The following DYNC2I1 variants were observed in gnomAD, a reference collection of about 807,000 sequenced individuals.
The protein encoded by DYNC2I1 is cytoplasmic dynein 2 intermediate chain 1.
DYNC2I1 carries 89 observed loss-of-function variants against 133.4 expected under a neutral mutation model. The ratio of observed to expected loss-of-function variants is 0.67; its 90% CI spans 0.56 to 0.80. The LOEUF is 0.80. DYNC2I1 is among the 30% of genes least tolerant of loss of function. The pLI is 0.00. For missense variants in DYNC2I1, 1,291 were observed against 1,314.5 expected, an observed-to-expected ratio of 0.98 and a Z score of 0.28; for synonymous variants, 504 against 484.3, an observed-to-expected ratio of 1.04 and a Z score of -0.54.
At chr7:158,935,892 C>A (rs1850705302) in intron 23 of DYNC2I1, among the ~76,000 whole-genome samples, 1 of 151,984 alleles carries the variant, frequency 6.6e-6, no homozygotes, top group African/African-American at 2.4e-5. Flanking sequence ...ATGGAGAAGC[C>A]CCATCTCTAC....
At chr7:158,867,977 T>C (rs1386316347) in intron 1 of DYNC2I1, among the ~76,000 whole-genome samples, 1 of 151,844 alleles carries the variant, frequency 6.6e-6, no homozygotes, top group Non-Finnish European at 1.5e-5. Flanking sequence ...ATACAAATAT[T>C]AGCCAGGTGT....
chr7:158,867,696 G>A (rs1400873279), intron 1 of DYNC2I1, among the ~76,000 whole-genome samples: 1 of 152,158 alleles, frequency 6.6e-6, no homozygotes, highest in Non-Finnish European at 1.5e-5. Context: ...TGAAGGTTGC[G>A]TTGGGCTGAG....
chr7:158,934,406 T>G lies in DYNC2I1; in HGVS notation c.2647-12T>G, dbSNP rs183324063. The G allele has an allele frequency of 1.5e-5, 24 of 1,605,044 alleles. No homozygotes were observed. The highest frequency in any genetic ancestry group is 1.0e-4 in the South Asian group (9 of 88,630). On this transcript the variant is annotated splice_polypyrimidine_tract_variant and intron_variant, in intron 22 of 24. Transcript: ENST00000407559. ...GCACTCGTTCAGTCACTCTTGGGCTTCTTCTTCACAGGGTCTCATAAGCCA... is the reference window on the plus strand; with the variant it reads ...GCACTCGTTCAGTCACTCTTGGGCTGCTTCTTCACAGGGTCTCATAAGCCA...
Position 158,882,875 on chromosome 7 carries a change from C to CAA in DYNC2I1, c.880-1674_880-1673dup, listed in dbSNP as rs71200076. Among the ~76,000 whole-genome samples the CAA allele has an allele frequency of 3.5e-3, 385 of 108,544 alleles. 2 individuals are homozygous for CAA. The highest frequency in any genetic ancestry group is 0.014 in the Middle Eastern group (3 of 208). The allele number at this position is 108,544 out of a possible 152,430, so 71.2% of individuals were successfully genotyped here. On this transcript the variant is annotated intron_variant, in intron 5 of 24. Transcript: ENST00000407559. Reference sequence around the variant, plus strand: ...TGGAGGACAGAGTGAGCCTTTGTCTCAAAAAAAAAAAAAAAAGGAAAAGAA... The same window carrying CAA: ...TGGAGGACAGAGTGAGCCTTTGTCTCAAAAAAAAAAAAAAAAAAGGAAAAGAA...
At chr7:158,878,493 G>C (rs576890241) in intron 4 of DYNC2I1, among the ~76,000 whole-genome samples, 8 of 140,848 alleles carry the variant, frequency 5.7e-5, no homozygotes, top group African/African-American at 2.2e-4. Flanking sequence ...ATGTGGAGGG[G>C]CCAGGAGGGC....
intron 8 of DYNC2I1, among the ~76,000 whole-genome samples, chr7:158,899,981 T>A (rs1022009803): frequency 2.0e-5 from 3 of 152,226 alleles, no homozygotes; most frequent in Non-Finnish European, 2.9e-5. Context: ...TCTTTATTTC[T>A]CCTTCACTTT....
intron 2 of DYNC2I1, among the ~76,000 whole-genome samples, chr7:158,870,453 G>A (rs1842780923): frequency 6.6e-6 from 1 of 152,034 alleles, no homozygotes. Context: ...TTCTGGGCCT[G>A]AGCTGTCCTC....
intron 11 of DYNC2I1, among the ~76,000 whole-genome samples, chr7:158,911,333 A>G: frequency 6.6e-6 from 1 of 152,196 alleles, no homozygotes; most frequent in South Asian, 2.1e-4. Context: ...GTCGGGGAGC[A>G]GAATCACCAA....
chr7:158,899,849 C>T (rs866452138), intron 8 of DYNC2I1, among the ~76,000 whole-genome samples: 3 of 152,154 alleles, frequency 2.0e-5, no homozygotes, highest in Non-Finnish European at 4.4e-5. Flanking sequence ...TTCCCAGTCT[C>T]GGTTATGTCT....
intron 14 of DYNC2I1, among the ~76,000 whole-genome samples, chr7:158,915,062 G>A (rs62476468): frequency 2.3e-5 from 3 of 128,388 alleles, no homozygotes; most frequent in Non-Finnish European, 5.6e-5. Context: ...CGCTAGTTGA[G>A]ATTAAGGATG....
Position 158,856,655 on chromosome 7 carries a change from G to A in DYNC2I1, c.-81G>A. 1.6e-6 allele frequency: 2 copies of A among 1,219,466 alleles called. No homozygotes were observed. Among genetic ancestry groups the A allele is most frequent in the Non-Finnish European group, 1.0e-6 (1 of 976,150 alleles). 75.5% of individuals were successfully genotyped at this position (1,219,466 alleles called of 1,614,324 possible). A position where few individuals can be genotyped will look rare whatever the true frequency, so the allele number is the denominator to read the frequency against. ...CTGGGACGCGCCTCCCGAAGGGTGC[G>A]GGGCACAGGTGGCCTCTTCGGGGTG... On this transcript the variant is annotated 5_prime_UTR_variant, in exon 1 of 25. Coordinates refer to ENST00000407559, the MANE Select transcript of DYNC2I1 (RefSeq NM_018051.5).
At chr7:158,947,014 C>T (rs547854454), downstream of DYNC2I1, among the ~76,000 whole-genome samples, 1 of 152,350 alleles carries the variant, frequency 6.6e-6, no homozygotes, top group South Asian at 2.1e-4. Flanking sequence ...GAGCAACCGC[C>T]AGCCTTTCTT....
At chr7:158,886,927 ATTG>A in intron 6 of DYNC2I1, 91 bp from the exon 7 acceptor site, 2 of 1,177,936 alleles carry the variant, frequency 1.7e-6, no homozygotes, top group Non-Finnish European at 2.5e-6. Context: ...ATATCAAAAT[ATTG>A]TTAAGAGCTT....
chr7:158,887,864 T>G (rs182686554), intron 7 of DYNC2I1, among the ~76,000 whole-genome samples: 1 of 152,286 alleles, frequency 6.6e-6, no homozygotes, highest in East Asian at 1.9e-4. Context: ...AATTGTACCC[T>G]GTGCTGAGCT....
chr7:158,882,874 T>TTAA (rs1563106551), intron 5 of DYNC2I1, among the ~76,000 whole-genome samples: 1 of 88,268 alleles, frequency 1.1e-5, no homozygotes, highest in Non-Finnish European at 2.3e-5. Context: ...AGCCTTTGTC[T>TTAA]CAAAAAAAAA....
chr7:158,947,151 G>A (rs262137), downstream of DYNC2I1, among the ~76,000 whole-genome samples: 6,371 of 152,264 alleles, frequency 0.042, 181 homozygotes, highest in Non-Finnish European at 0.065. Context: ...TTCATCTTCC[G>A]TCTGCATCTT....
chr7:158,926,055 T>G, intron 17 of DYNC2I1, 132 bp from the exon 18 acceptor site: 1 of 700,342 alleles, frequency 1.4e-6, no homozygotes. Context: ...TTTTGGGGTG[T>G]TTTGGGAAGA....
rs1050153481 is a variant in DYNC2I1 at position 158,884,699 on chromosome 7, C to T, written c.935+80C>T. ...CTTCAGGGAATTTTCTTATTGGCTC[C>T]GATGACGGCCAGTCCATGGCAATCA... On this transcript the variant is annotated intron_variant, in intron 6 of 24. Transcript: ENST00000407559. 5.3e-5 allele frequency: 77 copies of T among 1,446,128 alleles called. No homozygotes were observed. In the Middle Eastern group the frequency reaches 8.7e-4, roughly 16 times the overall value. The allele number at this position is 1,446,128 out of a possible 1,614,324, so 89.6% of individuals were successfully genotyped here. A position where few individuals can be genotyped will look rare whatever the true frequency, so the allele number is the denominator to read the frequency against.
chr7:158,859,893 A>C (rs1200073783), intron 1 of DYNC2I1, among the ~76,000 whole-genome samples: 1 of 152,192 alleles, frequency 6.6e-6, no homozygotes, highest in African/African-American at 2.4e-5. Flanking sequence ...TCGGTCTTTA[A>C]CTTTTTAGGA....
Sources: allele counts gnomAD v4.1 joint callset (sites outside exome capture counted in the v4.1 genomes callset), GRCh38; gene constraint gnomAD v4.1.1; transcripts MANE v1.5; gene names NCBI Gene and HGNC (gene_info 2026-07-23, HGNC 2026-07-21).